PHC2: variants seen among roughly 807,000 people sequenced by gnomAD.
PHC2 encodes the protein polyhomeotic homolog 2.
In PHC2, 29 loss-of-function variants were observed where a neutral mutation model predicts 87.4. That is an observed-to-expected ratio of 0.33 (90% CI 0.25 to 0.45). The LOEUF is 0.45. Ranked by LOEUF, PHC2 falls within the 20% of genes least tolerant of loss-of-function variation. The pLI is 1.00. For missense variants in PHC2, 857 were observed against 1,136.7 expected, an observed-to-expected ratio of 0.75 and a Z score of 3.54; for synonymous variants, 438 against 461.7, an observed-to-expected ratio of 0.95 and a Z score of 0.66.
At chr1:33,420,151 G>C (rs891631124) in intron 1 of PHC2, among the ~76,000 whole-genome samples, 3 of 152,176 alleles carry the variant, frequency 2.0e-5, no homozygotes, top group African/African-American at 7.2e-5. Context: ...TATTTTTAAA[G>C]GATATTTAGC....
At chr1:33,370,388 C>G in intron 5 of PHC2, 33 bp downstream of exon 5, 1 of 1,592,062 alleles carries the variant, frequency 6.3e-7, no homozygotes, top group Non-Finnish European at 8.6e-7. Context: ...CTCCTGGTGC[C>G]TCTGAGCCAT....
At position 33,349,427 on chromosome 1, in the gene PHC2, C is replaced by T; in HGVS notation, c.1558+4974G>A. On this transcript the variant is annotated intron_variant, in intron 9 of 14. Transcript: ENST00000683057. The surrounding 1 kb of genome is among the most constrained non-coding windows in gnomAD (Gnocchi z 4.2). ...TCCCCAGGCGAGCGAGGCTGGGGAG[C>T]AGGGCACCTCCCAGGCGCCGCGCGG... 2.0e-6 allele frequency: 2 copies of T among 985,232 alleles called. No individual in the cohort carries two copies. Among genetic ancestry groups the T allele is most frequent in the Non-Finnish European group, 2.4e-6 (2 of 829,860 alleles). The allele number at this position is 985,232 out of a possible 1,614,324, so 61.0% of individuals were successfully genotyped here.
chr1:33,325,052 C>T, intron 14 of PHC2, 33 bp from the exon 15 acceptor site: 1 of 1,573,166 alleles, frequency 6.4e-7, no homozygotes, highest in Non-Finnish European at 8.7e-7. Flanking sequence ...AGTGTCAATC[C>T]AAGCCGCCAG....
At chr1:33,373,170 T>A (rs538334835) in intron 2 of PHC2, among the ~76,000 whole-genome samples, 34 of 152,178 alleles carry the variant, frequency 2.2e-4, no homozygotes, top group East Asian at 1.7e-3. Flanking sequence ...CAGGCTGGAG[T>A]GCAATGGCGT....
intron 1 of PHC2, among the ~76,000 whole-genome samples, chr1:33,402,014 G>A (rs1649555481): frequency 2.0e-5 from 3 of 151,952 alleles, no homozygotes; most frequent in Non-Finnish European, 4.4e-5. Context: ...GTTCGTCAAA[G>A]GCATAATAAC....
intron 1 of PHC2, among the ~76,000 whole-genome samples, chr1:33,413,186 C>T (rs970004912): frequency 8.5e-5 from 13 of 152,088 alleles, no homozygotes; most frequent in Admixed American, 3.9e-4. Flanking sequence ...AGGCTGGTCT[C>T]GAACTCCTGA....
At chr1:33,360,622 T>C (rs1402430059) in intron 7 of PHC2, among the ~76,000 whole-genome samples, 1 of 152,274 alleles carries the variant, frequency 6.6e-6, no homozygotes, top group Non-Finnish European at 1.5e-5. Flanking sequence ...TGGTACCTAG[T>C]AGATGCTCAG....
chr1:33,425,201 C>A (rs894664168), intron 1 of PHC2, among the ~76,000 whole-genome samples: 6 of 152,102 alleles, frequency 3.9e-5, no homozygotes, highest in Non-Finnish European at 7.3e-5. Context: ...AGGAATGGCA[C>A]AGAGACCTAT....
At chr1:33,357,556 C>T (rs1185140717) in intron 7 of PHC2, among the ~76,000 whole-genome samples, 1 of 152,186 alleles carries the variant, frequency 6.6e-6, no homozygotes, top group Non-Finnish European at 1.5e-5. Context: ...GTTTGGGAAA[C>T]TTGGACACCA....
At chr1:33,373,939 AT>A (rs1465044582) in intron 2 of PHC2, among the ~76,000 whole-genome samples, 1 of 152,134 alleles carries the variant, frequency 6.6e-6, no homozygotes, top group African/African-American at 2.4e-5. Flanking sequence ...GCCTGTTGTT[AT>A]AGCAGATCCT....
intron 1 of PHC2, among the ~76,000 whole-genome samples, chr1:33,399,693 A>G (rs1156905789): frequency 1.3e-5 from 2 of 152,148 alleles, no homozygotes; most frequent in Non-Finnish European, 2.9e-5. Context: ...CCAGTCACTG[A>G]ATTTGGCAGA....
intron 1 of PHC2, among the ~76,000 whole-genome samples, chr1:33,391,433 G>A (rs1384167870): frequency 6.6e-6 from 1 of 152,198 alleles, no homozygotes; most frequent in Non-Finnish European, 1.5e-5. Context: ...GTACGTTAGT[G>A]ATGGCTTTTT....
At chr1:33,329,901 G>A (rs899229694) in intron 13 of PHC2, among the ~76,000 whole-genome samples, 170 bp downstream of exon 13, 3 of 152,222 alleles carry the variant, frequency 2.0e-5, no homozygotes, top group African/African-American at 7.2e-5. Flanking sequence ...GGGTCTAAAT[G>A]AAGGGACCTA....
rs753082899 is a variant in PHC2 at position 33,368,605 on chromosome 1, C to T, written c.594G>A (p.Thr198=). 2.0e-5 allele frequency: 31 copies of T among 1,551,050 alleles called. No individual in the cohort carries two copies. Among genetic ancestry groups the T allele is most frequent in the Middle Eastern group, 1.7e-4 (1 of 5,996 alleles). Reference sequence around the variant, plus strand: ...CAGGCTGCACAGTAGCGACGGTGGCCGTGGGCGTGAAGATGAGCTGAGGGG... The same window carrying T: ...CAGGCTGCACAGTAGCGACGGTGGCTGTGGGCGTGAAGATGAGCTGAGGGG... ...LRAQMLIFTP[T]ATVATVQPEL... is the part of the protein sequence containing the mutation. The change falls in exon 6 of 15, where the codon ACG becomes ACA. Residue 198 remains threonine (T), a synonymous_variant. Coordinates refer to ENST00000683057, the MANE Select transcript of PHC2 (RefSeq NM_001385109.1). The surrounding 1 kb of genome is among the most constrained non-coding windows in gnomAD (Gnocchi z 6.6).
Position 33,354,557 on chromosome 1 carries a change from A to T in PHC2, c.1402T>A (p.Cys468Ser). Residue 468 changes from cysteine (C) to serine (S), a missense_variant, in exon 9 of 15, where the codon TGT becomes AGT. Cys to Ser is a moderately radical substitution (Grantham distance 112). This residue lies in a region of PHC2 where 832 missense variants were observed against 1,081.8 expected (regional missense o/e 0.77). Coordinates refer to ENST00000683057, the MANE Select transcript of PHC2 (RefSeq NM_001385109.1). ...ACTTCTTTCCAGTCATCAGGGACACACTGCTGGGGCTGTCAAAGGACAGGA... is the reference window on the plus strand; with the variant it reads ...ACTTCTTTCCAGTCATCAGGGACACTCTGCTGGGGCTGTCAAAGGACAGGA... ...LQPASPVPQQCVPDDWKEVAP... is the reference protein window; with the variant it reads ...LQPASPVPQQSVPDDWKEVAP... 1 of 1,613,390 alleles carries T rather than the reference A, an allele frequency of 6.2e-7. No individual in the cohort carries two copies. The highest frequency in any genetic ancestry group is 2.2e-5 in the East Asian group (1 of 44,878).
Position 33,369,363 on chromosome 1 carries a change from T to C in PHC2, c.577-741A>G, listed in dbSNP as rs951814329. On this transcript the variant is annotated intron_variant, in intron 5 of 14. Coordinates refer to ENST00000683057, the MANE Select transcript of PHC2 (RefSeq NM_001385109.1). The surrounding 1 kb of genome is among the most constrained non-coding windows in gnomAD (Gnocchi z 4.7). ...GATAGCGCAGCTGTGCTTTTTCCTC[T>C]GTGGGTGTATGCCCTGCTCTGGGGA... Among the ~76,000 whole-genome samples, 2 of 152,178 alleles carry C rather than the reference T, an allele frequency of 1.3e-5. No homozygotes were observed. Among genetic ancestry groups the C allele is most frequent in the African/African-American group, 4.8e-5 (2 of 41,442 alleles).
intron 1 of PHC2, among the ~76,000 whole-genome samples, chr1:33,418,240 T>C (rs1332173359): frequency 1.3e-5 from 2 of 151,600 alleles, no homozygotes; most frequent in Non-Finnish European, 2.9e-5. Flanking sequence ...AACAATGAAA[T>C]AGAACACAGA....
rs78144445 is a variant in PHC2 at position 33,325,583 on chromosome 1, G to C, written c.2426-564C>G. On this transcript the variant is annotated intron_variant, in intron 14 of 14. Transcript: ENST00000683057. ...CATATGACCTCAAACTCATACACTG[G>C]GTCTGTGGAAGGGAGCAGATAACCT... is the stretch of plus-strand genomic sequence containing the variant. 5.5e-3 allele frequency: 1,467 copies of C among 267,920 alleles called. 8 individuals are homozygous for C. The highest frequency in any genetic ancestry group is 8.4e-3 in the Non-Finnish European group (1,105 of 132,064). The allele number at this position is 267,920 out of a possible 1,614,324, so 16.6% of individuals were successfully genotyped here.
Position 33,324,639 on chromosome 1 carries a change from G to A in PHC2, c.*226C>T, listed in dbSNP as rs1646332000. 2 of 462,978 alleles carry A rather than the reference G, an allele frequency of 4.3e-6. No homozygotes were observed. Among genetic ancestry groups the A allele is most frequent in the East Asian group, 3.3e-5 (1 of 30,252 alleles). The allele number at this position is 462,978 out of a possible 1,614,324, so 28.7% of individuals were successfully genotyped here. On this transcript the variant is annotated 3_prime_UTR_variant, in exon 15 of 15. Transcript: ENST00000683057. ...AAGCCAGTGCTATCAATATTTACAA[G>A]CATAAAGCCCCATCTTCTGTGCCAC...
Sources: gnomAD v4.1 joint callset for allele counts (sites outside exome capture counted in the v4.1 genomes callset) on GRCh38, gnomAD v4.1.1 for gene constraint, gnomAD v4.1.1 regional missense constraint, Gnocchi (gnomAD v3.1) non-coding constraint, MANE v1.5 for transcripts, NCBI Gene and HGNC (gene_info 2026-07-23, HGNC 2026-07-21) for gene names.